The following JARID2 variants were observed in gnomAD, a reference collection of about 807,000 sequenced individuals.
JARID2 encodes protein Jumonji.
In JARID2, 21 loss-of-function variants were observed where a neutral mutation model predicts 125.6. That is an observed-to-expected ratio of 0.17 (90% CI 0.12 to 0.24). The LOEUF is 0.24. Ranked by LOEUF, JARID2 falls within the 10% of genes least tolerant of loss-of-function variation. The pLI, the probability that JARID2 is intolerant of heterozygous loss-of-function variation, is 1.00. For missense variants in JARID2, 1,303 were observed against 1,639.6 expected (o/e 0.79, Z 3.55); for synonymous variants, 736 against 661.6 (o/e 1.11, Z -1.73).
chr6:15,265,380 C>A (rs202177350), intron 1 of JARID2, among the ~76,000 whole-genome samples: 25 of 141,384 alleles, frequency 1.8e-4, no homozygotes, highest in South Asian at 2.3e-4. Flanking sequence ...AAAAAAAAAA[C>A]AAAAAAAAAC....
chr6:15,283,008 TCA>T (rs1431525622), intron 1 of JARID2, among the ~76,000 whole-genome samples: 1 of 152,020 alleles, frequency 6.6e-6, no homozygotes, highest in Non-Finnish European at 1.5e-5. Context: ...AGACGGAGTC[TCA>T]CTCTGTTGCC....
intron 1 of JARID2, among the ~76,000 whole-genome samples, chr6:15,364,396 A>G (rs1443473277): frequency 1.3e-5 from 2 of 152,146 alleles, no homozygotes; most frequent in African/African-American, 4.8e-5. Flanking sequence ...TTTATTTTGT[A>G]GTGATTTCCT....
At position 15,335,122 on chromosome 6, in the gene JARID2, G is replaced by GA. The variant is rs150994315; in HGVS notation, c.46-38994dup. On this transcript the variant is annotated intron_variant, in intron 1 of 17. Transcript: ENST00000341776. ...TTTTTTCCTCCTTCTTCTTTCCAGA[G>GA]ACAGTCTTGCTCCTTCACCCAGGCT... 2.3e-3 allele frequency among the ~76,000 whole-genome samples: 347 copies of GA among 151,400 alleles called. 2 individuals are homozygous for GA. The highest frequency in any genetic ancestry group is 7.9e-3 in the African/African-American group (324 of 41,202).
chr6:15,389,281 G>A (rs1001284421), intron 2 of JARID2, among the ~76,000 whole-genome samples: 1 of 152,052 alleles, frequency 6.6e-6, no homozygotes, highest in African/African-American at 2.4e-5. Context: ...CACCTCAGCC[G>A]CCTGAGTGGA....
chr6:15,494,933 C>A (rs371190732), intron 6 of JARID2, among the ~76,000 whole-genome samples: 3 of 152,186 alleles, frequency 2.0e-5, no homozygotes, highest in African/African-American at 7.2e-5. Context: ...ACCTTCCTCT[C>A]GGGCTGTTGG....
At chr6:15,302,372 G>A (rs1211798117) in intron 1 of JARID2, among the ~76,000 whole-genome samples, 1 of 151,928 alleles carries the variant, frequency 6.6e-6, no homozygotes, top group Non-Finnish European at 1.5e-5. Flanking sequence ...CTGAGATTGC[G>A]CCACTGCACT....
chr6:15,387,863 A>C (rs183728652), intron 2 of JARID2, among the ~76,000 whole-genome samples: 1 of 152,210 alleles, frequency 6.6e-6, no homozygotes, highest in Non-Finnish European at 1.5e-5. Context: ...GCATTGTGGA[A>C]TTATTTGAGG....
chr6:15,287,531 C>T (rs1036384177), intron 1 of JARID2, among the ~76,000 whole-genome samples: 2 of 152,212 alleles, frequency 1.3e-5, no homozygotes, highest in Non-Finnish European at 2.9e-5. Context: ...CACAGAATTA[C>T]ATTTTTGGTG....
chr6:15,328,262 G>A (rs1762597046), intron 1 of JARID2, among the ~76,000 whole-genome samples: 2 of 152,130 alleles, frequency 1.3e-5, no homozygotes, highest in African/African-American at 4.8e-5. Context: ...TAGAGCTTGT[G>A]AACAGGATCT....
intron 3 of JARID2, among the ~76,000 whole-genome samples, chr6:15,427,585 A>T (rs1335780020): frequency 1.3e-5 from 2 of 151,972 alleles, no homozygotes; most frequent in African/African-American, 2.4e-5. Flanking sequence ...TAGGCTTTTA[A>T]ACAGTAACAT....
intron 1 of JARID2, among the ~76,000 whole-genome samples, chr6:15,288,409 C>T (rs1761082452): frequency 6.6e-6 from 1 of 152,198 alleles, no homozygotes; most frequent in Non-Finnish European, 1.5e-5. Flanking sequence ...GAGGGATCCA[C>T]CCCTATGACC....
At position 15,363,556 on chromosome 6, in the gene JARID2, C is replaced by T. The variant is rs182572145; in HGVS notation, c.46-10561C>T. Among the ~76,000 whole-genome samples, 426 of 152,288 alleles carry T rather than the reference C, an allele frequency of 2.8e-3. 1 individual carries two copies. The highest frequency in any genetic ancestry group is 0.011 in the East Asian group (57 of 5,188). On this transcript the variant is annotated intron_variant, in intron 1 of 17. Coordinates refer to ENST00000341776, the MANE Select transcript of JARID2 (RefSeq NM_004973.4). ...TGGAATGGCCTTCAAGTGCCTGCTA[C>T]GTGCTGGACTCATTGCTATGTCTCA...
At chr6:15,326,190 T>G (rs12527397) in intron 1 of JARID2, among the ~76,000 whole-genome samples, 2 of 152,160 alleles carry the variant, frequency 1.3e-5, no homozygotes, top group Admixed American at 1.3e-4. Flanking sequence ...CATTTACACC[T>G]TTACTCTAAG....
At chr6:15,302,670 A>G (rs1342163317) in intron 1 of JARID2, among the ~76,000 whole-genome samples, 1 of 152,200 alleles carries the variant, frequency 6.6e-6, no homozygotes, top group African/African-American at 2.4e-5. Context: ...CCTTAAGGCA[A>G]AGGATAACAT....
chr6:15,262,203 G>A (rs1221223496), intron 1 of JARID2, among the ~76,000 whole-genome samples: 3 of 150,320 alleles, frequency 2.0e-5, no homozygotes, highest in Non-Finnish European at 4.4e-5. Context: ...TTTTTATAGA[G>A]GTGGGGTTTC....
intron 3 of JARID2, among the ~76,000 whole-genome samples, chr6:15,451,480 C>T (rs1218733294): frequency 6.6e-6 from 1 of 152,042 alleles, no homozygotes; most frequent in Admixed American, 6.6e-5. Context: ...GTGAACTTTT[C>T]GTGGCCGAAT....
intron 1 of JARID2, chr6:15,369,210 C>A: frequency 3.1e-6 from 1 of 322,500 alleles, no homozygotes; most frequent in Non-Finnish European, 6.5e-6. Context: ...AAAAGACTCA[C>A]AGTCCGGGTT....
At chr6:15,246,646 A>G in intron 1 of JARID2, 62 bp downstream of exon 1, 3 of 1,355,016 alleles carry the variant, frequency 2.2e-6, no homozygotes, top group Non-Finnish European at 3.2e-6. Flanking sequence ...GTGAATGTCA[A>G]GTTTATAGAT....
chr6:15,249,065 C>A (rs533028626), intron 1 of JARID2: 2 of 535,394 alleles, frequency 3.7e-6, no homozygotes, highest in East Asian at 1.5e-4. Context: ...CTCCTTTCTG[C>A]AGGAATGTTT....
Sources: allele counts gnomAD v4.1 joint callset (sites outside exome capture counted in the v4.1 genomes callset), GRCh38; gene constraint gnomAD v4.1.1; transcripts MANE v1.5; gene names NCBI Gene and HGNC (gene_info 2026-07-23, HGNC 2026-07-21).